KSR2: variants seen among roughly 807,000 people sequenced by gnomAD.
KSR2 encodes kinase suppressor of ras 2.
KSR2 carries 25 observed loss-of-function variants against 107.8 expected under a neutral mutation model. The observed-to-expected ratio is 0.23, with a 90% confidence interval of 0.17 to 0.32. The LOEUF (loss-of-function observed/expected upper bound fraction) is 0.32, where lower values mean the gene tolerates loss of function less well. KSR2 is among the 10% of genes least tolerant of loss of function. The pLI is 1.00. For synonymous variants in KSR2, 480 were observed against 507.0 expected (o/e 0.95, Z 0.71); for missense variants, 887 against 1,268.9 (o/e 0.70, Z 4.57).
rs756771855 is a variant in KSR2, at chr12:117,542,242, A to G, written c.1519-2355T>C. On this transcript the variant is annotated intron_variant, in intron 9 of 19. Transcript: ENST00000339824. Reference sequence around the variant, plus strand: ...ACATCCACCTTGTAGGTCTGTTGTGAAGTTTAAATGAGTTATGTAGGTACC... The same window carrying G: ...ACATCCACCTTGTAGGTCTGTTGTGGAGTTTAAATGAGTTATGTAGGTACC... 2.1e-4 allele frequency among the ~76,000 whole-genome samples: 32 copies of G among 152,268 alleles called. 1 individual carries two copies. The highest frequency in any genetic ancestry group is 2.8e-4 in the Non-Finnish European group (19 of 68,016).
Position 117,525,120 on chromosome 12 carries a change from G to C in KSR2, c.1951C>G (p.Gln651Glu). The part of the protein sequence containing the change: ...SARSFPRKAS[Q>E]TSIFLQEWDI... ...CACTCCTGAAGGAAGATGCTGGTCTGGCTGGCCTTGCGTGGGAAGCTCCGG... is the reference window on the plus strand; with the variant it reads ...CACTCCTGAAGGAAGATGCTGGTCTCGCTGGCCTTGCGTGGGAAGCTCCGG... The change falls in exon 14 of 20, where the codon CAG (glutamine) becomes GAG (glutamate). Residue 651 changes from glutamine to glutamate, a missense_variant. Around this residue, in one of 8 missense-constraint regions of KSR2, gnomAD observed 308 missense variants for 506.2 expected, o/e 0.61. Coordinates refer to ENST00000339824, the MANE Select transcript of KSR2 (RefSeq NM_173598.6). 1 of 1,614,010 alleles carries C rather than the reference G, an allele frequency of 6.2e-7. No individual in the cohort carries two copies. The highest frequency in any genetic ancestry group is 8.5e-7 in the Non-Finnish European group (1 of 1,179,880).
At chr12:117,602,271 G>A (rs1298420457) in intron 5 of KSR2, among the ~76,000 whole-genome samples, 1 of 152,204 alleles carries the variant, frequency 6.6e-6, no homozygotes, top group Non-Finnish European at 1.5e-5. Flanking sequence ...TTAAAAGTGT[G>A]TGATTCCATT....
chr12:117,713,192 A>T (rs190695388), intron 4 of KSR2, among the ~76,000 whole-genome samples: 1 of 151,664 alleles, frequency 6.6e-6, no homozygotes, highest in Non-Finnish European at 1.5e-5. Context: ...AGTTATAGAT[A>T]TGTCTATATA....
At chr12:117,619,026 A>G (rs1882027684) in intron 5 of KSR2, among the ~76,000 whole-genome samples, 2 of 152,126 alleles carry the variant, frequency 1.3e-5, no homozygotes, top group African/African-American at 2.4e-5. Context: ...GGAAGCAGAA[A>G]TTTCTGCAGG....
At chr12:117,600,258 G>A (rs899553658) in intron 5 of KSR2, among the ~76,000 whole-genome samples, 4 of 152,180 alleles carry the variant, frequency 2.6e-5, no homozygotes, top group Non-Finnish European at 4.4e-5. Context: ...CTCAAAGTCA[G>A]CAAACCAAAT....
At chr12:117,576,937 T>G (rs1477048275) in intron 7 of KSR2, among the ~76,000 whole-genome samples, 1 of 152,168 alleles carries the variant, frequency 6.6e-6, no homozygotes, top group Non-Finnish European at 1.5e-5. Flanking sequence ...ATTACAGGCA[T>G]GAGACTCTGC....
intron 3 of KSR2, among the ~76,000 whole-genome samples, chr12:117,825,658 C>T (rs1282426367): frequency 1.3e-5 from 2 of 152,026 alleles, no homozygotes; most frequent in African/African-American, 2.4e-5. Context: ...CTCATTGTTT[C>T]GCTGAATGGT....
intron 1 of KSR2, among the ~76,000 whole-genome samples, chr12:117,892,326 T>C (rs185748161): frequency 8.7e-4 from 133 of 152,200 alleles, no homozygotes; most frequent in African/African-American, 3.0e-3. Flanking sequence ...AAAATACACA[T>C]AGAAAAACCA....
At chr12:117,939,136 T>C (rs1008911899) in intron 1 of KSR2, among the ~76,000 whole-genome samples, 1 of 152,242 alleles carries the variant, frequency 6.6e-6, no homozygotes, top group African/African-American at 2.4e-5. Context: ...TACAGTCCTC[T>C]TTTGTGTATA....
intron 5 of KSR2, among the ~76,000 whole-genome samples, chr12:117,638,516 GAAA>G (rs34243226): frequency 0.17 from 24,888 of 142,846 alleles, 2,125 homozygotes; most frequent in Middle Eastern, 0.25. Flanking sequence ...AATATTCAGG[GAAA>G]AAAAAAAAAG....
At chr12:117,818,973 C>A (rs777635382) in intron 3 of KSR2, among the ~76,000 whole-genome samples, 7 of 152,152 alleles carry the variant, frequency 4.6e-5, no homozygotes, top group Non-Finnish European at 1.0e-4. Context: ...AAAACACCAG[C>A]TCCCCACCAC....
chr12:117,649,758 G>T (rs985847978), intron 5 of KSR2, among the ~76,000 whole-genome samples: 1 of 152,154 alleles, frequency 6.6e-6, no homozygotes, highest in African/African-American at 2.4e-5. Context: ...GTGCTTCCTA[G>T]AGGAGTGTCA....
chr12:117,788,846 G>C (rs982066307), intron 3 of KSR2, among the ~76,000 whole-genome samples: 1 of 152,188 alleles, frequency 6.6e-6, no homozygotes, highest in Admixed American at 6.5e-5. Context: ...TGGACTAGAA[G>C]ACAAAGCTGA....
chr12:117,808,503 G>T (rs1159636810), intron 3 of KSR2, among the ~76,000 whole-genome samples: 1 of 152,176 alleles, frequency 6.6e-6, no homozygotes, highest in Non-Finnish European at 1.5e-5. Context: ...CTACCTCAAA[G>T]AGTTGGTATG....
At chr12:117,510,056 T>C (rs1316397578) in intron 14 of KSR2, among the ~76,000 whole-genome samples, 1 of 152,098 alleles carries the variant, frequency 6.6e-6, no homozygotes, top group Non-Finnish European at 1.5e-5. Flanking sequence ...TCAGTTGCAG[T>C]TCTAACTTTA....
intron 1 of KSR2, among the ~76,000 whole-genome samples, chr12:117,937,971 G>GAA (rs771959105): frequency 8.9e-4 from 48 of 53,948 alleles, no homozygotes; most frequent in Admixed American, 1.3e-3. Context: ...TCTGTCTCAA[G>GAA]AAAAAAAAAA....
At chr12:117,521,504 G>A (rs1300417864) in intron 14 of KSR2, among the ~76,000 whole-genome samples, 1 of 152,132 alleles carries the variant, frequency 6.6e-6, no homozygotes, top group Non-Finnish European at 1.5e-5. Flanking sequence ...ATCCCATAAC[G>A]ACCCAATTGT....
At chr12:117,550,157 A>T (rs1487716669) in intron 9 of KSR2, among the ~76,000 whole-genome samples, 1 of 152,202 alleles carries the variant, frequency 6.6e-6, no homozygotes, top group Non-Finnish European at 1.5e-5. Flanking sequence ...ATTCTGTAGG[A>T]GGGGATGCTG....
At chr12:117,739,114 T>C (rs1375874903) in intron 4 of KSR2, among the ~76,000 whole-genome samples, 1 of 152,150 alleles carries the variant, frequency 6.6e-6, no homozygotes, top group South Asian at 2.1e-4. Context: ...CCAGCACTTT[T>C]GGAGGCCAAG....
Sources: gnomAD v4.1 joint callset for allele counts (sites outside exome capture counted in the v4.1 genomes callset) on GRCh38, gnomAD v4.1.1 for gene constraint, gnomAD v4.1.1 regional missense constraint, MANE v1.5 for transcripts, NCBI Gene and HGNC (gene_info 2026-07-23, HGNC 2026-07-21) for gene names.